NUP107: variants seen among roughly 807,000 people sequenced by gnomAD.
NUP107 encodes nucleoporin 107.
A neutral mutation model predicts 141.0 loss-of-function variants in NUP107; 101 were observed. The observed-to-expected ratio is 0.72, with a 90% CI of 0.61 to 0.84. The LOEUF (loss-of-function observed/expected upper bound fraction) is 0.84. Among genes scored for constraint, NUP107 ranks in the 40% least tolerant of loss-of-function variants. The pLI is 0.00. For synonymous variants in NUP107, 319 were observed against 363.9 expected (o/e 0.88, Z 1.41); for missense variants, 941 against 1,102.7 (o/e 0.85, Z 2.08).
At chr12:68,718,439 T>C (rs1877202376) in intron 12 of NUP107, among the ~76,000 whole-genome samples, 1 of 152,228 alleles carries the variant, frequency 6.6e-6, no homozygotes, top group South Asian at 2.1e-4. Context: ...ATTGGTCAAG[T>C]TGAACATGCA....
chr12:68,706,841 C>T, intron 8 of NUP107: 1 of 758,004 alleles, frequency 1.3e-6, no homozygotes, highest in Non-Finnish European at 2.4e-6. Flanking sequence ...GTCTGGGATG[C>T]AGAACATGAG....
chr12:68,694,132 A>C (rs542024816), intron 5 of NUP107, among the ~76,000 whole-genome samples: 1 of 152,286 alleles, frequency 6.6e-6, no homozygotes, highest in East Asian at 1.9e-4. Context: ...TGCTCTTAAC[A>C]CTTTGGTAAC....
intron 8 of NUP107, chr12:68,707,195 G>T (rs1425111241): frequency 4.3e-5 from 18 of 421,122 alleles, no homozygotes; most frequent in East Asian, 3.5e-4. Context: ...GCCCACCCGT[G>T]GGGGGAGTTT....
In NUP107 at chr12:68,719,322, C is replaced by T. The variant is rs1565697020; in HGVS notation, c.1084-19C>T. The T allele has an allele frequency of 1.9e-6, 3 of 1,601,330 alleles. No homozygotes were observed. Among genetic ancestry groups the T allele is most frequent in the African/African-American group, 2.7e-5 (2 of 74,732 alleles). Reference sequence around the variant, plus strand: ...AGCACCCTGGTTATTGGACTGACTGCTCTTTCTTGTTTTCTAAGGCACAAC... The same window carrying T: ...AGCACCCTGGTTATTGGACTGACTGTTCTTTCTTGTTTTCTAAGGCACAAC... On this transcript the variant is annotated intron_variant, in intron 12 of 27. Transcript: ENST00000229179.
intron 6 of NUP107, among the ~76,000 whole-genome samples, chr12:68,699,313 C>T (rs889872027): frequency 1.3e-5 from 2 of 152,092 alleles, no homozygotes; most frequent in African/African-American, 2.4e-5. Flanking sequence ...GCAGAGGTTG[C>T]AGCGAGCTGA....
intron 15 of NUP107, 67 bp from the exon 16 acceptor site, chr12:68,721,774 G>A (rs1877360023): frequency 1.4e-6 from 2 of 1,434,928 alleles, no homozygotes; most frequent in Non-Finnish European, 1.9e-6. Flanking sequence ...ATCATTGGAT[G>A]TAATTGCTTT....
Position 68,731,734 on chromosome 12 carries a change from G to C in NUP107, c.1998+15G>C. ...GCACTACTGAGGTAATTTGGGATGGGGGGGCAGAGGTTTCTATAACTTCTA... is the reference window on the plus strand; with the variant it reads ...GCACTACTGAGGTAATTTGGGATGGCGGGGCAGAGGTTTCTATAACTTCTA... On this transcript the variant is annotated intron_variant, in intron 22 of 27. Coordinates refer to ENST00000229179, the MANE Select transcript of NUP107 (RefSeq NM_020401.4). 1 of 1,359,132 alleles carries C rather than the reference G, an allele frequency of 7.4e-7. No homozygotes were observed. The highest frequency in any genetic ancestry group is 1.0e-6 in the Non-Finnish European group (1 of 990,962). The allele number at this position is 1,359,132 out of a possible 1,614,324, so 84.2% of individuals were successfully genotyped here.
intron 8 of NUP107, chr12:68,706,843 GA>G: frequency 1.3e-6 from 1 of 758,530 alleles, no homozygotes; most frequent in Non-Finnish European, 2.4e-6. Flanking sequence ...CTGGGATGCA[GA>G]ACATGAGTAT....
In NUP107 at chr12:68,745,040, C is replaced by T. The variant is rs1462997665; in HGVS notation, c.*2578C>T. The T allele has an allele frequency of 2.6e-5, 4 of 152,212 alleles. No homozygotes were observed. The highest frequency in any genetic ancestry group is 4.4e-5 in the Non-Finnish European group (3 of 68,044). 9.4% of individuals were successfully genotyped at this position (152,212 alleles called of 1,614,324 possible). A position where few individuals can be genotyped will look rare whatever the true frequency, so the allele number is the denominator to read the frequency against. On this transcript the variant is annotated 3_prime_UTR_variant, in exon 28 of 28. Transcript: ENST00000229179. ...TTGCATGAAGGCTACAAAGTTGGAA[C>T]AGGCATGTCCTGGGTGTGAAAGTTT...
intron 5 of NUP107, among the ~76,000 whole-genome samples, chr12:68,692,735 A>G (rs960105552): frequency 6.8e-6 from 1 of 147,958 alleles, no homozygotes; most frequent in South Asian, 2.1e-4. Context: ...GGCATGTACC[A>G]CCATGCCTAG....
rs1876391587 is a variant in NUP107 at position 68,702,729 on chromosome 12, T to A, written c.681-7T>A. The A allele has an allele frequency of 1.3e-6, 2 of 1,530,650 alleles. No individual in the cohort carries two copies. Among genetic ancestry groups the A allele is most frequent in the Non-Finnish European group, 1.8e-6 (2 of 1,136,604 alleles). The allele number at this position is 1,530,650 out of a possible 1,614,324, so 94.8% of individuals were successfully genotyped here. A position where few individuals can be genotyped will look rare whatever the true frequency, so the allele number is the denominator to read the frequency against. ...AGGCTTTTTTATTTTGTCTTATTTT[T>A]CCCCAGAGACAGAATACAGTCTGCA... is the stretch of plus-strand genomic sequence containing the variant. On this transcript the variant is annotated splice_region_variant and splice_polypyrimidine_tract_variant and intron_variant, in intron 7 of 27. Transcript: ENST00000229179.
intron 8 of NUP107, among the ~76,000 whole-genome samples, chr12:68,708,377 G>T (rs1242151124): frequency 6.6e-6 from 1 of 151,972 alleles, no homozygotes; most frequent in African/African-American, 2.4e-5. Flanking sequence ...TGGATAAAAT[G>T]GATTAATTAA....
At chr12:68,735,581 A>T (rs981928683) in intron 26 of NUP107, among the ~76,000 whole-genome samples, 1 of 152,226 alleles carries the variant, frequency 6.6e-6, no homozygotes, top group Non-Finnish European at 1.5e-5. Context: ...TCTAATTTTT[A>T]AAAAATTCTG....
In NUP107 at chr12:68,691,956, T is replaced by G. The variant is rs1185288583; in HGVS notation, c.304-12T>G. ...ACTTTTCTGTATTTTTACTTTTTTG[T>G]TTTTTTTTAAGGTTACTAATCTGGA... On this transcript the variant is annotated splice_polypyrimidine_tract_variant and intron_variant, in intron 4 of 27. Transcript: ENST00000229179. 1 of 1,556,616 alleles carries G rather than the reference T, an allele frequency of 6.4e-7. No individual in the cohort carries two copies. The highest frequency in any genetic ancestry group is 2.3e-5 in the East Asian group (1 of 44,056).
rs142558137 is a variant in NUP107, at chr12:68,696,849, A to G, written c.479A>G (p.Gln160Arg). 12 of 1,602,494 alleles carry G rather than the reference A, an allele frequency of 7.5e-6. No individual in the cohort carries two copies. The Admixed American group carries it at 1.2e-4, about 16-fold the overall frequency. Residue 160 changes from glutamine (Q) to arginine (R), a missense_variant, in exon 6 of 28, where the codon CAG becomes CGG. Coordinates refer to ENST00000229179, the MANE Select transcript of NUP107 (RefSeq NM_020401.4). The part of the protein sequence containing the change: ...ASMSMFSDFL[Q>R]SFLKHSSSTV... ...ATGAGTATGTTTTCTGATTTCCTGC[A>G]GTCTTTTCTGAAGCACTCTTCGAGT...
At chr12:68,692,997 G>A (rs1053767630) in intron 5 of NUP107, among the ~76,000 whole-genome samples, 20 of 151,880 alleles carry the variant, frequency 1.3e-4, no homozygotes, top group Non-Finnish European at 8.8e-5. Context: ...TGATCCACCC[G>A]CCTTGGCCTC....
At chr12:68,698,387 C>T (rs1299154920) in intron 6 of NUP107, among the ~76,000 whole-genome samples, 4 of 152,226 alleles carry the variant, frequency 2.6e-5, no homozygotes, top group Admixed American at 2.0e-4. Flanking sequence ...CTTTGGAAGA[C>T]AGTCTGCAGT....
Position 68,728,424 on chromosome 12 carries a change from T to TA in NUP107, c.1734+1035_1734+1036insA, listed in dbSNP as rs201100841. On this transcript the variant is annotated intron_variant, in intron 20 of 27. Transcript: ENST00000229179. ...CTGGGAAACAGCGAAAACCTGTCTT[T>TA]TTTTTTTTTTTTTTTTTGAGACGGA... Among the ~76,000 whole-genome samples the TA allele has an allele frequency of 3.0e-3, 436 of 145,466 alleles. 16 individuals are homozygous for TA. In the East Asian group the frequency reaches 0.073, roughly 24 times the overall value.
At chr12:68,694,622 C>A (rs1419626617) in intron 5 of NUP107, among the ~76,000 whole-genome samples, 3 of 152,186 alleles carry the variant, frequency 2.0e-5, no homozygotes, top group Non-Finnish European at 4.4e-5. Context: ...TAGACAGAGG[C>A]TGGACGCAGT....
Sources: allele counts gnomAD v4.1 joint callset (sites outside exome capture counted in the v4.1 genomes callset), GRCh38; gene constraint gnomAD v4.1.1; transcripts MANE v1.5; gene names NCBI Gene and HGNC (gene_info 2026-07-23, HGNC 2026-07-21).